SUPT3H: variants seen among roughly 807,000 people sequenced by gnomAD.
SUPT3H encodes the protein SPT3 homolog, SAGA and STAGA complex component.
In SUPT3H, 44 loss-of-function variants were observed where a neutral mutation model predicts 44.3. The observed-to-expected ratio is 0.99, with a 90% CI of 0.78 to 1.28. The LOEUF is 1.28. Among genes scored for constraint, SUPT3H ranks in the 50% most tolerant of loss-of-function variants. The pLI, the probability that SUPT3H is intolerant of heterozygous loss-of-function variation, is 0.00. For missense variants in SUPT3H, 380 were observed against 387.1 expected, an observed-to-expected ratio of 0.98 and a Z score of 0.15; for synonymous variants, 124 against 125.6, an observed-to-expected ratio of 0.99 and a Z score of 0.09.
rs567757760 is a variant in SUPT3H at position 45,304,649 on chromosome 6, G to T, written c.101+60552C>A. On this transcript the variant is annotated intron_variant, in intron 2 of 10. Coordinates refer to ENST00000371459, the MANE Select transcript of SUPT3H (RefSeq NM_003599.4). The stretch of plus-strand genomic sequence containing the variant: ...GAAGAAGTTATTAGGAATACAGGGT[G>T]AGAAAATAAAAGAAGTAGTATTCAA... 3.9e-5 allele frequency among the ~76,000 whole-genome samples: 6 copies of T among 152,232 alleles called. No individual in the cohort carries two copies. The South Asian group carries it at 1.2e-3, about 32-fold the overall frequency.
intron 10 of SUPT3H, among the ~76,000 whole-genome samples, chr6:44,831,190 A>AGTT (rs1360081932): frequency 1.3e-5 from 2 of 152,130 alleles, no homozygotes; most frequent in South Asian, 4.1e-4. Context: ...TTCTTTGCTT[A>AGTT]GTTATGCTGC....
chr6:45,120,172 AAAAC>A lies in SUPT3H; in HGVS notation c.102-14170_102-14167del, dbSNP rs965229668. On this transcript the variant is annotated intron_variant, in intron 2 of 10. Coordinates refer to ENST00000371459, the MANE Select transcript of SUPT3H (RefSeq NM_003599.4). ...TCTGACTGCAAACTAAAAAAAACAA[AAAAC>A]AAACAAACAAAAACCCTCTAACTGC... is the stretch of plus-strand genomic sequence containing the variant. Among the ~76,000 whole-genome samples the A allele has an allele frequency of 1.5e-3, 227 of 152,164 alleles. 2 individuals are homozygous for A. The highest frequency in any genetic ancestry group is 4.8e-3 in the African/African-American group (200 of 41,540).
intron 6 of SUPT3H, among the ~76,000 whole-genome samples, chr6:44,978,434 G>A (rs1778639114): frequency 6.6e-6 from 1 of 152,126 alleles, no homozygotes; most frequent in Non-Finnish European, 1.5e-5. Context: ...CAAAGCCCAT[G>A]CTCTGGTCAT....
chr6:44,953,028 TA>T (rs1774548256), intron 9 of SUPT3H, among the ~76,000 whole-genome samples: 1 of 152,078 alleles, frequency 6.6e-6, no homozygotes, highest in Non-Finnish European at 1.5e-5. Flanking sequence ...TCATCTCCCA[TA>T]AAAATAAGAA....
intron 7 of SUPT3H, among the ~76,000 whole-genome samples, chr6:44,956,470 C>CA (rs1227576144): frequency 1.8e-3 from 9 of 4,984 alleles, no homozygotes; most frequent in Admixed American, 2.8e-3. Flanking sequence ...GAAACTGTCT[C>CA]AAAAAAAAAA....
chr6:45,067,707 A>G (rs1187556325), intron 3 of SUPT3H, among the ~76,000 whole-genome samples: 2 of 149,370 alleles, frequency 1.3e-5, no homozygotes, highest in South Asian at 4.2e-4. Context: ...GAAACACATG[A>G]AAAAATGCTC....
chr6:44,831,907 A>C (rs143242434), intron 10 of SUPT3H, among the ~76,000 whole-genome samples: 3 of 152,264 alleles, frequency 2.0e-5, no homozygotes, highest in Admixed American at 2.0e-4. Flanking sequence ...ATTTTTTTTT[A>C]ATAACTTATT....
In SUPT3H at chr6:44,887,220, G is replaced by A. The variant is rs559658761; in HGVS notation, c.912+45433C>T. On this transcript the variant is annotated intron_variant, in intron 10 of 10. Coordinates refer to ENST00000371459, the MANE Select transcript of SUPT3H (RefSeq NM_003599.4). ...ATTAGACACATCAACGAGACAGAAA[G>A]TTAACAAGGATATCCAGGAATTGAA... Among the ~76,000 whole-genome samples the A allele has an allele frequency of 3.9e-5, 6 of 152,210 alleles. No homozygotes were observed. In the South Asian group the frequency reaches 1.2e-3, roughly 32 times the overall value.
intron 2 of SUPT3H, among the ~76,000 whole-genome samples, chr6:45,276,081 C>T (rs1042750577): frequency 1.3e-5 from 2 of 151,964 alleles, no homozygotes; most frequent in African/African-American, 4.8e-5. Flanking sequence ...TAAAACAATT[C>T]CAGTCGCAGA....
At chr6:45,103,024 A>G (rs547276125) in intron 3 of SUPT3H, among the ~76,000 whole-genome samples, 2 of 152,312 alleles carry the variant, frequency 1.3e-5, no homozygotes, top group East Asian at 3.9e-4. Flanking sequence ...AACTACAAAG[A>G]GATTTAAATG....
At chr6:45,353,779 A>T (rs1792560871) in intron 2 of SUPT3H, among the ~76,000 whole-genome samples, 1 of 148,440 alleles carries the variant, frequency 6.7e-6, no homozygotes, top group African/African-American at 2.5e-5. Context: ...ATGAAAACTC[A>T]TTTTTTTTTT....
chr6:45,017,944 C>G (rs890555115), intron 4 of SUPT3H, among the ~76,000 whole-genome samples: 2 of 150,092 alleles, frequency 1.3e-5, no homozygotes, highest in East Asian at 1.9e-4. Flanking sequence ...GGCAGTATGG[C>G]CATTTTCACG....
intron 2 of SUPT3H, chr6:45,328,147 C>G: frequency 3.3e-6 from 2 of 606,776 alleles, no homozygotes; most frequent in Non-Finnish European, 4.8e-6. Flanking sequence ...TTACCACAAG[C>G]CTTTTGTGAG....
intron 2 of SUPT3H, among the ~76,000 whole-genome samples, chr6:45,128,446 A>G (rs1324390181): frequency 7.5e-6 from 1 of 134,110 alleles, no homozygotes; most frequent in Non-Finnish European, 1.5e-5. Flanking sequence ...TGCAGGTTGC[A>G]GTGAGCCGAG....
At position 45,296,738 on chromosome 6, in the gene SUPT3H, C is replaced by CAAAAAAAAAAAAAAAAAAA. The variant is rs60921436; in HGVS notation, c.101+68444_101+68462dup. Reference sequence around the variant, plus strand: ...TGGCCAACAGAGTAAGACTCTGTCTCAAAAAAAAAAAAAAAAAAAAAAAAA... The same window carrying CAAAAAAAAAAAAAAAAAAA: ...TGGCCAACAGAGTAAGACTCTGTCTCAAAAAAAAAAAAAAAAAAAAAAAAAAAAAAAAAAAAAAAAAAAA... On this transcript the variant is annotated intron_variant, in intron 2 of 10. Coordinates refer to ENST00000371459, the MANE Select transcript of SUPT3H (RefSeq NM_003599.4). Among the ~76,000 whole-genome samples, 10 of 29,710 alleles carry CAAAAAAAAAAAAAAAAAAA rather than the reference C, an allele frequency of 3.4e-4. 1 individual carries two copies. Among genetic ancestry groups the CAAAAAAAAAAAAAAAAAAA allele is most frequent in the Non-Finnish European group, 5.4e-4 (8 of 14,836 alleles). The allele number at this position is 29,710 out of a possible 152,430, so 19.5% of individuals were successfully genotyped here.
At chr6:45,337,535 T>G (rs1788832913) in intron 2 of SUPT3H, among the ~76,000 whole-genome samples, 1 of 151,850 alleles carries the variant, frequency 6.6e-6, no homozygotes, top group African/African-American at 2.4e-5. Context: ...TAAGTTCTTT[T>G]GCTACGCCAT....
chr6:45,266,215 C>T (rs1427233849), intron 2 of SUPT3H, among the ~76,000 whole-genome samples: 4 of 151,654 alleles, frequency 2.6e-5, no homozygotes, highest in South Asian at 2.1e-4. Context: ...TGGATTTAGC[C>T]GTTATTCCCG....
At chr6:44,882,269 A>G (rs1778366096) in intron 10 of SUPT3H, among the ~76,000 whole-genome samples, 1 of 152,214 alleles carries the variant, frequency 6.6e-6, no homozygotes, top group African/African-American at 2.4e-5. Context: ...CTACGCAAAT[A>G]AACTAGAAAA....
At chr6:44,948,900 C>T (rs1201821942) in intron 9 of SUPT3H, among the ~76,000 whole-genome samples, 1 of 152,096 alleles carries the variant, frequency 6.6e-6, no homozygotes, top group Non-Finnish European at 1.5e-5. Flanking sequence ...GCTATATACC[C>T]AAAGGATTAT....
Sources: gnomAD v4.1 joint callset for allele counts (sites outside exome capture counted in the v4.1 genomes callset) on GRCh38, gnomAD v4.1.1 for gene constraint, MANE v1.5 for transcripts, NCBI Gene and HGNC (gene_info 2026-07-23, HGNC 2026-07-21) for gene names.